STAC: variants seen among roughly 807,000 people sequenced by gnomAD.
STAC encodes SH3 and cysteine-rich domain-containing protein.
In STAC, 43 loss-of-function variants were observed where a neutral mutation model predicts 48.8. That is an observed-to-expected ratio of 0.88 (90% CI 0.69 to 1.14). The LOEUF (loss-of-function observed/expected upper bound fraction) is 1.14. Ranked by LOEUF, STAC falls within the 50% of genes most tolerant of loss-of-function variation. The probability of loss-of-function intolerance (pLI) is 0.00; values close to 1 mark genes in which losing one functional copy is unlikely to be tolerated. For missense variants in STAC, 497 were observed against 504.0 expected (o/e 0.99, Z 0.13); for synonymous variants, 193 against 179.5 (o/e 1.07, Z -0.60).
intron 2 of STAC, among the ~76,000 whole-genome samples, chr3:36,465,634 T>G (rs1054400854): frequency 6.6e-6 from 1 of 152,108 alleles, no homozygotes; most frequent in African/African-American, 2.4e-5. Context: ...TAAAGGGGAA[T>G]TTATTAAATA....
intron 2 of STAC, among the ~76,000 whole-genome samples, chr3:36,458,596 T>C (rs577087369): frequency 1.3e-5 from 2 of 152,172 alleles, no homozygotes; most frequent in Non-Finnish European, 2.9e-5. Context: ...CAGTGTGATA[T>C]CTACCAAATC....
intron 10 of STAC, among the ~76,000 whole-genome samples, chr3:36,540,422 T>C (rs1248679117): frequency 1.3e-5 from 2 of 152,176 alleles, no homozygotes; most frequent in African/African-American, 4.8e-5. Flanking sequence ...GGAGATACCC[T>C]AGATTGTCTA....
intron 10 of STAC, among the ~76,000 whole-genome samples, chr3:36,542,246 C>T (rs1699346453): frequency 6.6e-6 from 1 of 152,214 alleles, no homozygotes. Context: ...CTGTTGTCCA[C>T]CTATATCTTA....
At chr3:36,425,288 T>A (rs1230081150) in intron 1 of STAC, among the ~76,000 whole-genome samples, 1 of 152,194 alleles carries the variant, frequency 6.6e-6, no homozygotes, top group Non-Finnish European at 1.5e-5. Flanking sequence ...ATCGCTTTTG[T>A]CCTAGTCTTA....
At position 36,540,407 on chromosome 3, in the gene STAC, G is replaced by C. The variant is rs527972834; in HGVS notation, c.1111-5784G>C. Among the ~76,000 whole-genome samples, 14 of 152,266 alleles carry C rather than the reference G, an allele frequency of 9.2e-5. 1 individual carries two copies. In the South Asian group the frequency reaches 1.5e-3, roughly 16 times the overall value. On this transcript the variant is annotated intron_variant, in intron 10 of 10. Transcript: ENST00000273183. ...ATGTGATGAAGGTTATGGACTCTGG[G>C]ATAGGGAGATACCCTAGATTGTCTA...
intron 6 of STAC, among the ~76,000 whole-genome samples, chr3:36,501,249 A>T (rs79637626): frequency 6.6e-6 from 1 of 152,218 alleles, no homozygotes; most frequent in Non-Finnish European, 1.5e-5. Flanking sequence ...AGTGTTAAAA[A>T]AATAAGAAAG....
chr3:36,511,415 T>A (rs1189983231), intron 8 of STAC, among the ~76,000 whole-genome samples: 2 of 152,208 alleles, frequency 1.3e-5, no homozygotes, highest in Admixed American at 6.5e-5. Flanking sequence ...AAAAGACTTC[T>A]GCTTCCATGC....
In STAC at chr3:36,443,373, C is replaced by T; in HGVS notation, c.121C>T (p.Leu41=). 6.2e-7 allele frequency: 1 copy of T among 1,614,214 alleles called. No individual in the cohort carries two copies. The highest frequency in any genetic ancestry group is 8.5e-7 in the Non-Finnish European group (1 of 1,180,042). Residue 41 remains leucine, a synonymous_variant, in exon 2 of 11, where the codon CTA becomes TTA. Coordinates refer to ENST00000273183, the MANE Select transcript of STAC (RefSeq NM_003149.3). This position sits in a 1 kb window ranked among gnomAD's most constrained non-coding sequence, Gnocchi z 4.2. The stretch of plus-strand genomic sequence containing the variant: ...TGTCATTGCATTGCAGCTCCAGAAA[C>T]TAAAACGATCACTTTCTTTCAAGAC... ...TSSQESKLQK[L]KRSLSFKTKS...
In STAC at chr3:36,546,410, C is replaced by T. The variant is rs566492091; in HGVS notation, c.*121C>T. On this transcript the variant is annotated 3_prime_UTR_variant, in exon 11 of 11. Coordinates refer to ENST00000273183, the MANE Select transcript of STAC (RefSeq NM_003149.3). ...CCCAGCCCCCCAGGAAACAGTGAGA[C>T]AAGAATCAAGTATCTGAGACTGTGG... 2.5e-6 allele frequency: 2 copies of T among 804,148 alleles called. No homozygotes were observed. The highest frequency in any genetic ancestry group is 1.7e-5 in the African/African-American group (1 of 57,936). 49.8% of individuals were successfully genotyped at this position (804,148 alleles called of 1,614,324 possible). A position where few individuals can be genotyped will look rare whatever the true frequency, so the allele number is the denominator to read the frequency against.
chr3:36,471,469 C>T (rs375955690), intron 2 of STAC, among the ~76,000 whole-genome samples: 17 of 152,304 alleles, frequency 1.1e-4, no homozygotes, highest in East Asian at 3.9e-4. Context: ...AAAGTCTTCA[C>T]TCATTTCAGC....
At chr3:36,395,463 A>G (rs1416898382) in intron 1 of STAC, among the ~76,000 whole-genome samples, 1 of 152,208 alleles carries the variant, frequency 6.6e-6, no homozygotes, top group Admixed American at 6.5e-5. Context: ...CTCCTCAGGG[A>G]GCCATCTTCA....
chr3:36,443,230 G>A lies in STAC; in HGVS notation c.112-134G>A. Reference sequence around the variant, plus strand: ...ACTGCCATCACCCCACCCACACAGGGACATTTATGAGCCTCCTCAAGACGG... The same window carrying A: ...ACTGCCATCACCCCACCCACACAGGAACATTTATGAGCCTCCTCAAGACGG... On this transcript the variant is annotated intron_variant, in intron 1 of 10. Coordinates refer to ENST00000273183, the MANE Select transcript of STAC (RefSeq NM_003149.3). The surrounding 1 kb of genome is among the most constrained non-coding windows in gnomAD (Gnocchi z 4.2). 9.6e-7 allele frequency: 1 copy of A among 1,044,890 alleles called. No individual in the cohort carries two copies. The highest frequency in any genetic ancestry group is 1.4e-6 in the Non-Finnish European group (1 of 727,694). The allele number at this position is 1,044,890 out of a possible 1,614,324, so 64.7% of individuals were successfully genotyped here.
chr3:36,511,358 A>G (rs1698533053), intron 8 of STAC, among the ~76,000 whole-genome samples: 1 of 152,212 alleles, frequency 6.6e-6, no homozygotes, highest in East Asian at 1.9e-4. Flanking sequence ...AGCAACGAGT[A>G]CTTATCACAG....
chr3:36,449,672 C>A (rs984594360), intron 2 of STAC, among the ~76,000 whole-genome samples: 1 of 152,162 alleles, frequency 6.6e-6, no homozygotes, highest in South Asian at 2.1e-4. Flanking sequence ...TTAAATGAAA[C>A]AGTAACCCAC....
At chr3:36,402,345 G>A (rs7630199) in intron 1 of STAC, among the ~76,000 whole-genome samples, 3,536 of 151,978 alleles carry the variant, frequency 0.023, 61 homozygotes, top group East Asian at 0.026. Flanking sequence ...GGAAGAAGAT[G>A]GGGAGAAAGA....
chr3:36,402,369 G>T (rs976033854), intron 1 of STAC, among the ~76,000 whole-genome samples: 1 of 152,004 alleles, frequency 6.6e-6, no homozygotes, highest in South Asian at 2.1e-4. Flanking sequence ...CGGTGAGGAA[G>T]AAGGAAGGTG....
intron 1 of STAC, among the ~76,000 whole-genome samples, chr3:36,440,090 T>C (rs1199340503): frequency 3.3e-5 from 5 of 152,248 alleles, no homozygotes; most frequent in African/African-American, 1.2e-4. Context: ...TAGCTGATGT[T>C]GCCCTATTAG....
chr3:36,418,451 G>A (rs530080110), intron 1 of STAC, among the ~76,000 whole-genome samples: 1 of 152,240 alleles, frequency 6.6e-6, no homozygotes, highest in South Asian at 2.1e-4. Flanking sequence ...GTTATTAAAT[G>A]ATTCCACAGT....
At position 36,546,398 on chromosome 3, in the gene STAC, G is replaced by A. The variant is rs1196003688; in HGVS notation, c.*109G>A. On this transcript the variant is annotated 3_prime_UTR_variant, in exon 11 of 11. Coordinates refer to ENST00000273183, the MANE Select transcript of STAC (RefSeq NM_003149.3). ...CTGCCGCACTGACCCAGCCCCCCAG[G>A]AAACAGTGAGACAAGAATCAAGTAT... 5.7e-6 allele frequency: 5 copies of A among 880,954 alleles called. No homozygotes were observed. Among genetic ancestry groups the A allele is most frequent in the Non-Finnish European group, 1.8e-6 (1 of 541,842 alleles). The allele number at this position is 880,954 out of a possible 1,614,324, so 54.6% of individuals were successfully genotyped here. A position where few individuals can be genotyped will look rare whatever the true frequency, so the allele number is the denominator to read the frequency against.
Sources: allele counts gnomAD v4.1 joint callset (sites outside exome capture counted in the v4.1 genomes callset), GRCh38; gene constraint gnomAD v4.1.1; non-coding constraint Gnocchi (gnomAD v3.1); transcripts MANE v1.5; gene names NCBI Gene and HGNC (gene_info 2026-07-23, HGNC 2026-07-21).